The following DMAP1 variants were observed in gnomAD, a reference collection of about 807,000 sequenced individuals.
The protein encoded by DMAP1 is DNA methyltransferase 1-associated protein 1.
DMAP1 carries 26 observed loss-of-function variants against 52.7 expected under a neutral mutation model. The observed-to-expected ratio is 0.49, with a 90% CI of 0.36 to 0.68. The LOEUF (loss-of-function observed/expected upper bound fraction) is 0.68, where lower values mean the gene tolerates loss of function less well. DMAP1 is among the 30% of genes least tolerant of loss of function. DMAP1 has a pLI of 0.00. For synonymous variants in DMAP1, 231 were observed against 246.0 expected (o/e 0.94, Z 0.57); for missense variants, 439 against 625.2 (o/e 0.70, Z 3.18).
Position 44,220,656 on chromosome 1 carries a change from T to TA in DMAP1, c.*39dup. The TA allele has an allele frequency of 6.2e-7, 1 of 1,613,168 alleles. No homozygotes were observed. The highest frequency in any genetic ancestry group is 1.1e-5 in the South Asian group (1 of 90,988). On this transcript the variant is annotated 3_prime_UTR_variant, in exon 10 of 10. Coordinates refer to ENST00000372289, the MANE Select transcript of DMAP1 (RefSeq NM_019100.5). ...GGTGTGGGCGACGCTGTTATGTAAA[T>TA]AGAGCTGCTGAGTTGGACCAGGCTG...
chr1:44,214,912 A>T lies in DMAP1; in HGVS notation c.393+14A>T. The stretch of plus-strand genomic sequence containing the variant: ...AGGTTCAATAAGGTAAGCTACCTTC[A>T]TTCGGACACAGGCCAAGATTGCCCT... On this transcript the variant is annotated intron_variant, in intron 3 of 9. Transcript: ENST00000372289. 1 of 1,614,006 alleles carries T rather than the reference A, an allele frequency of 6.2e-7. No individual in the cohort carries two copies. Among genetic ancestry groups the T allele is most frequent in the Non-Finnish European group, 8.5e-7 (1 of 1,179,932 alleles).
At position 44,220,595 on chromosome 1, in the gene DMAP1, G is replaced by T; in HGVS notation, c.1381G>T (p.Val461Leu). 6.2e-7 allele frequency: 1 copy of T among 1,614,238 alleles called. No individual in the cohort carries two copies. The highest frequency in any genetic ancestry group is 8.5e-7 in the Non-Finnish European group (1 of 1,180,038). The change falls in exon 10 of 10, where the codon GTG becomes TTG. Residue 461 changes from valine to leucine, a missense_variant. Transcript: ENST00000372289. ...RRESASSSSS[V>L]KKAKKP ...GGAGTCGGCCTCCAGCTCATCTTCC[G>T]TGAAGAAAGCCAAGAAGCCGTGAGA...
intron 3 of DMAP1, chr1:44,217,909 G>T: frequency 3.4e-6 from 1 of 297,368 alleles, no homozygotes; most frequent in East Asian, 7.8e-5. Context: ...CCACTGGGTG[G>T]CAGTAGTGCT....
Position 44,219,052 on chromosome 1 carries a change from C to G in DMAP1, c.721-4C>G. ...CACACACTTCGCATCCCTCACTTTC[C>G]CAGGTGGCAGAGGAGGAGTACCTGC... is the stretch of plus-strand genomic sequence containing the variant. On this transcript the variant is annotated splice_region_variant and splice_polypyrimidine_tract_variant and intron_variant, in intron 5 of 9. Transcript: ENST00000372289. The G allele has an allele frequency of 6.2e-7, 1 of 1,613,852 alleles. No homozygotes were observed. Among genetic ancestry groups the G allele is most frequent in the Non-Finnish European group, 8.5e-7 (1 of 1,179,866 alleles).
chr1:44,220,213 G>C lies in DMAP1; in HGVS notation c.1248G>C (p.Pro416=). 6.3e-7 allele frequency: 1 copy of C among 1,594,660 alleles called. No individual in the cohort carries two copies. Among genetic ancestry groups the C allele is most frequent in the South Asian group, 1.1e-5 (1 of 90,096 alleles). The part of the protein sequence containing the change: ...GPATPASGPG[P]ASAEPAVTEP... ...CCACACCAGCATCAGGCCCAGGCCC[G>C]GCCTCTGCTGAGCCGGCAGTGACTG... The change falls in exon 9 of 10, where the codon CCG becomes CCC. Residue 416 remains proline (P), a synonymous_variant. Transcript: ENST00000372289.
chr1:44,213,871 C>G lies in DMAP1; in HGVS notation c.105+13C>G, dbSNP rs754930307. 4.3e-5 allele frequency: 67 copies of G among 1,570,000 alleles called. No homozygotes were observed. Among genetic ancestry groups the G allele is most frequent in the Middle Eastern group, 3.3e-4 (2 of 6,016 alleles). On this transcript the variant is annotated intron_variant, in intron 1 of 9. Transcript: ENST00000372289. This position sits in a 1 kb window ranked among gnomAD's most constrained non-coding sequence, Gnocchi z 4.5. ...CAACCCGGACAAGGTAGCAGGGGCA[C>G]CTGAAAGCGTTGACTAGGGGAGGGT...
chr1:44,220,566 G>A lies in DMAP1; in HGVS notation c.1352G>A (p.Arg451Gln), dbSNP rs768613560. The A allele has an allele frequency of 1.2e-6, 2 of 1,614,232 alleles. No individual in the cohort carries two copies. Among genetic ancestry groups the A allele is most frequent in the Admixed American group, 1.7e-5 (1 of 60,026 alleles). ...GAPLTPNSRK[R>Q]RESASSSSSV... ...CCTTCTGTGTATCCTCAGAGAAAGC[G>A]ACGGGAGTCGGCCTCCAGCTCATCT... The change falls in exon 10 of 10, where the codon CGA becomes CAA. Residue 451 changes from arginine to glutamine, a missense_variant. Arg to Gln is a conservative substitution (Grantham distance 43). Transcript: ENST00000372289.
At chr1:44,214,301 T>C (rs745414019) in intron 1 of DMAP1, 49 bp from the exon 2 acceptor site, 2 of 1,568,884 alleles carry the variant, frequency 1.3e-6, no homozygotes, top group East Asian at 4.5e-5. Context: ...TAAAGAATTT[T>C]CAGGAAAGGG....
intron 3 of DMAP1, 142 bp downstream of exon 3, chr1:44,215,040 G>A: frequency 2.1e-6 from 2 of 945,966 alleles, no homozygotes; most frequent in Non-Finnish European, 3.3e-6. Flanking sequence ...CGTGGCAAAT[G>A]CATGCAGAGT....
chr1:44,214,851 C>T lies in DMAP1; in HGVS notation c.346C>T (p.Arg116Cys), dbSNP rs145929825. ...KDGAMFFHWR[R>C]AAEEGKDYPF... ...CGGAGCAATGTTCTTCCACTGGCGA[C>T]GTGCAGCGGAGGAGGGCAAGGACTA... The change falls in exon 3 of 10, where the codon CGT becomes TGT. Residue 116 changes from arginine (R) to cysteine (C), a missense_variant. Physicochemically the swap from Arg to Cys is radical, Grantham distance 180. Coordinates refer to ENST00000372289, the MANE Select transcript of DMAP1 (RefSeq NM_019100.5). The T allele has an allele frequency of 5.0e-6, 8 of 1,614,170 alleles. No homozygotes were observed. The highest frequency in any genetic ancestry group is 2.2e-5 in the East Asian group (1 of 44,880).
intron 2 of DMAP1, 95 bp from the exon 3 acceptor site, chr1:44,214,608 T>G (rs1643750485): frequency 6.2e-7 from 1 of 1,613,288 alleles, no homozygotes; most frequent in African/African-American, 1.3e-5. Flanking sequence ...ATGACTTTCT[T>G]GCTATAGGGT....
rs1643726607 is a variant in DMAP1, at chr1:44,213,618, C to G, written c.-136C>G. ...GGCAGATCCCCGACCTGACCTGGAC[C>G]ACCCTTCTCCTCTTGGCCCGCCCCT... On this transcript the variant is annotated 5_prime_UTR_variant, in exon 1 of 10. Transcript: ENST00000372289. The surrounding 1 kb of genome is among the most constrained non-coding windows in gnomAD (Gnocchi z 4.5). The G allele has an allele frequency of 1.4e-6, 1 of 727,460 alleles. No homozygotes were observed. The highest frequency in any genetic ancestry group is 1.8e-5 in the African/African-American group (1 of 56,292). 45.1% of individuals were successfully genotyped at this position (727,460 alleles called of 1,614,324 possible).
At chr1:44,216,655 G>A (rs1250128381) in intron 3 of DMAP1, 1 of 152,272 alleles carries the variant, frequency 6.6e-6, no homozygotes, top group African/African-American at 2.4e-5. Flanking sequence ...TCGAAAGGTT[G>A]AGAAAGTTAC....
intron 1 of DMAP1, 125 bp from the exon 2 acceptor site, chr1:44,214,225 T>A: frequency 1.1e-6 from 1 of 912,888 alleles, no homozygotes; most frequent in Non-Finnish European, 1.8e-6. Context: ...TCTGTGCCTT[T>A]ACAGTGTGTC....
chr1:44,218,289 C>CTG lies in DMAP1; in HGVS notation c.394-18_394-17dup. 2 of 1,614,244 alleles carry CTG rather than the reference C, an allele frequency of 1.2e-6. No homozygotes were observed. The highest frequency in any genetic ancestry group is 1.7e-6 in the Non-Finnish European group (2 of 1,180,032). ...ATGACATCATGCGGGCATGCCCCTA[C>CTG]TGTGTCCCTCTGTGCTAGTAGACTG... On this transcript the variant is annotated intron_variant, in intron 3 of 9. Coordinates refer to ENST00000372289, the MANE Select transcript of DMAP1 (RefSeq NM_019100.5). The surrounding 1 kb of genome is among the most constrained non-coding windows in gnomAD (Gnocchi z 5.6).
chr1:44,220,199 T>TCAGGCC lies in DMAP1; in HGVS notation c.1242_1247dup (p.Gly415_Pro416dup), dbSNP rs755233941. On this transcript the variant is annotated inframe_insertion, in exon 9 of 10. Coordinates refer to ENST00000372289, the MANE Select transcript of DMAP1 (RefSeq NM_019100.5). ...GCTAGGGGGCCCTGCCACACCAGCA[T>TCAGGCC]CAGGCCCAGGCCCGGCCTCTGCTGA... The TCAGGCC allele has an allele frequency of 4.4e-6, 7 of 1,601,306 alleles. No individual in the cohort carries two copies. Among genetic ancestry groups the TCAGGCC allele is most frequent in the East Asian group, 2.2e-5 (1 of 44,498 alleles).
At chr1:44,216,404 G>GT (rs1643794665) in intron 3 of DMAP1, 3 of 151,770 alleles carry the variant, frequency 2.0e-5, no homozygotes, top group Admixed American at 6.6e-5. Context: ...TAATTTTTGT[G>GT]TTTTTTTAAG....
At chr1:44,219,990 C>T in intron 8 of DMAP1, 27 bp from the exon 9 acceptor site, 1 of 1,598,610 alleles carries the variant, frequency 6.3e-7, no homozygotes, top group Non-Finnish European at 8.5e-7. Context: ...CTGGGCTCTG[C>T]CCGTGCTGCC....
chr1:44,219,520 TGCTCTGGGCTCC>T, intron 7 of DMAP1, 43 bp downstream of exon 7: 1 of 1,517,356 alleles, frequency 6.6e-7, no homozygotes, highest in Non-Finnish European at 8.8e-7. Flanking sequence ...TCCTGGGCTC[TGCTCTGGGCTCC>T]ATGTGTCCCA....
Sources: gnomAD v4.1 joint callset for allele counts on GRCh38, gnomAD v4.1.1 for gene constraint, Gnocchi (gnomAD v3.1) non-coding constraint, MANE v1.5 for transcripts, NCBI Gene and HGNC (gene_info 2026-07-23, HGNC 2026-07-21) for gene names.